Variants in FES observed in about 807,000 individuals in gnomAD.
FES encodes FES proto-oncogene, tyrosine kinase, also known as tyrosine-protein kinase Fes/Fps.
A neutral mutation model predicts 109.6 loss-of-function variants in FES; 83 were observed. The ratio of observed to expected loss-of-function variants is 0.76; its 90% CI spans 0.63 to 0.91. The LOEUF (loss-of-function observed/expected upper bound fraction) is 0.91. Among genes scored for constraint, FES ranks in the 40% least tolerant of loss-of-function variants. FES has a pLI of 0.00. For missense variants in FES, 943 were observed against 1,070.9 expected, an observed-to-expected ratio of 0.88 and a Z score of 1.67; for synonymous variants, 458 against 442.1, an observed-to-expected ratio of 1.04 and a Z score of -0.45.
chr15:90,891,638 A>G lies in FES; in HGVS notation c.1615A>G (p.Lys539Glu). Residue 539 changes from lysine to glutamate, a missense_variant, in exon 12 of 19, where the codon AAG becomes GAG. Physicochemically the swap from Lys to Glu is moderately conservative, Grantham distance 56. Coordinates refer to ENST00000328850, the MANE Select transcript of FES (RefSeq NM_002005.4). ...ACTGAGCACCCAGCAGCCCCTCACC[A>G]AGAAGAGTGGTGTTGTCCTGCACAG... is the stretch of plus-strand genomic sequence containing the variant. The part of the protein sequence containing the change: ...HLLSTQQPLT[K>E]KSGVVLHRAV... 1 of 1,613,926 alleles carries G rather than the reference A, an allele frequency of 6.2e-7. No individual in the cohort carries two copies. The highest frequency in any genetic ancestry group is 1.1e-5 in the South Asian group (1 of 91,084).
intron 5 of FES, among the ~76,000 whole-genome samples, chr15:90,888,201 G>T (rs2032845864): frequency 6.6e-6 from 1 of 152,224 alleles, no homozygotes; most frequent in South Asian, 2.1e-4. Flanking sequence ...CGCCTCCCAG[G>T]TTCAAGTGAT....
intron 3 of FES, 35 bp from the exon 4 acceptor site, chr15:90,886,926 C>A: frequency 6.3e-7 from 1 of 1,598,160 alleles, no homozygotes; most frequent in South Asian, 1.1e-5. Flanking sequence ...AACTGGGGAC[C>A]TGCTGCCCCA....
chr15:90,895,569 C>T lies in FES; in HGVS notation c.*11C>T. 6.5e-7 allele frequency: 1 copy of T among 1,548,162 alleles called. No homozygotes were observed. Among genetic ancestry groups the T allele is most frequent in the Non-Finnish European group, 8.7e-7 (1 of 1,145,152 alleles). Reference sequence around the variant, plus strand: ...AAGCGGCATCGGTGAGGCTGGGACCCCCTTCTCAAGCTGGTGGCCTCTGCA... The same window carrying T: ...AAGCGGCATCGGTGAGGCTGGGACCTCCTTCTCAAGCTGGTGGCCTCTGCA... On this transcript the variant is annotated 3_prime_UTR_variant, in exon 19 of 19. Transcript: ENST00000328850.
intron 14 of FES, 55 bp downstream of exon 14, chr15:90,892,880 C>A: frequency 6.5e-7 from 1 of 1,533,278 alleles, no homozygotes; most frequent in Non-Finnish European, 9.0e-7. Context: ...GGTTACACTG[C>A]ATGGCACAGT....
chr15:90,893,633 C>G (rs1596115757), intron 16 of FES, 21 bp from the exon 17 acceptor site: 1 of 1,556,424 alleles, frequency 6.4e-7, no homozygotes. Context: ...GCCAAATGAG[C>G]CCCTGCCCTG....
chr15:90,888,254 C>A (rs1050111864), intron 5 of FES, among the ~76,000 whole-genome samples: 2 of 152,146 alleles, frequency 1.3e-5, no homozygotes, highest in Non-Finnish European at 2.9e-5. Flanking sequence ...TACGGGCATG[C>A]GCCACCACAC....
Position 90,887,092 on chromosome 15 carries a change from C to T in FES, c.484+35C>T, listed in dbSNP as rs375374531. On this transcript the variant is annotated intron_variant, in intron 4 of 18. Coordinates refer to ENST00000328850, the MANE Select transcript of FES (RefSeq NM_002005.4). ...TTCCCTTGCTGGCAGGGAGGGAATC[C>T]GAAGCCAGTGCTGACCTGTCCTTGG... 32 of 1,613,412 alleles carry T rather than the reference C, an allele frequency of 2.0e-5. No individual in the cohort carries two copies. In the African/African-American group the frequency reaches 2.0e-4, roughly 10 times the overall value.
Position 90,889,234 on chromosome 15 carries a change from G to T in FES, c.669-72G>T. Reference sequence around the variant, plus strand: ...CCCCAGCCCTGACTCCAAACCCAGGGTCCTAGGCCTGAACTGCCCAGCCTT... The same window carrying T: ...CCCCAGCCCTGACTCCAAACCCAGGTTCCTAGGCCTGAACTGCCCAGCCTT... On this transcript the variant is annotated intron_variant, in intron 5 of 18. Transcript: ENST00000328850. The surrounding 1 kb of genome is among the most constrained non-coding windows in gnomAD (Gnocchi z 6.1). 6.3e-7 allele frequency: 1 copy of T among 1,585,568 alleles called. No homozygotes were observed. Among genetic ancestry groups the T allele is most frequent in the Non-Finnish European group, 8.6e-7 (1 of 1,166,100 alleles).
At chr15:90,888,016 G>T (rs546476994) in intron 5 of FES, among the ~76,000 whole-genome samples, 106 of 152,322 alleles carry the variant, frequency 7.0e-4, no homozygotes, top group African/African-American at 2.4e-3. Flanking sequence ...AGGGCTACTG[G>T]GTGATAGAGG....
chr15:90,888,840 C>T (rs141694015), intron 5 of FES, among the ~76,000 whole-genome samples: 8 of 151,794 alleles, frequency 5.3e-5, no homozygotes, highest in African/African-American at 1.7e-4. Flanking sequence ...TGCAGTGGCG[C>T]GATCTTGGCT....
Position 90,885,105 on chromosome 15 carries a change from G to A in FES, c.60G>A (p.Gln20=). 1 of 1,613,866 alleles carries A rather than the reference G, an allele frequency of 6.2e-7. No homozygotes were observed. The highest frequency in any genetic ancestry group is 8.5e-7 in the Non-Finnish European group (1 of 1,180,028). The change falls in exon 2 of 19, where the codon CAG becomes CAA. Residue 20 remains glutamine (Q), a synonymous_variant. Coordinates refer to ENST00000328850, the MANE Select transcript of FES (RefSeq NM_002005.4). ...GCCACGGGGTCCTGCAGCAAATGCA[G>A]GAGGCCGAGCTTCGTCTACTGGAGG... ...PQGHGVLQQM[Q]EAELRLLEGM...
At chr15:90,894,316 G>A (rs2033513226) in intron 18 of FES, among the ~76,000 whole-genome samples, 1 of 152,126 alleles carries the variant, frequency 6.6e-6, no homozygotes, top group Non-Finnish European at 1.5e-5. Context: ...TGGGCACGGT[G>A]GCTCACACCT....
In FES at chr15:90,890,083, T is replaced by G; in HGVS notation, c.1050-9T>G. 3.1e-6 allele frequency: 3 copies of G among 968,750 alleles called. No individual in the cohort carries two copies. The highest frequency in any genetic ancestry group is 4.5e-6 in the Non-Finnish European group (3 of 673,968). 60.0% of individuals were successfully genotyped at this position (968,750 alleles called of 1,614,324 possible). A position where few individuals can be genotyped will look rare whatever the true frequency, so the allele number is the denominator to read the frequency against. On this transcript the variant is annotated splice_polypyrimidine_tract_variant and intron_variant, in intron 8 of 18. Transcript: ENST00000328850. ...TCTCATCCACCCTCCCACCCGCCCC[T>G]GCCTGCAGGGTGCAGCTGCTGGGCA...
chr15:90,885,395 C>T lies in FES; in HGVS notation c.214-17C>T. Reference sequence around the variant, plus strand: ...CATTGTGCCCCCCTCCCTGCCTCCCCCATCTGTGCTGTATAGTCCTGGGCT... The same window carrying T: ...CATTGTGCCCCCCTCCCTGCCTCCCTCATCTGTGCTGTATAGTCCTGGGCT... On this transcript the variant is annotated splice_polypyrimidine_tract_variant and intron_variant, in intron 2 of 18. Coordinates refer to ENST00000328850, the MANE Select transcript of FES (RefSeq NM_002005.4). 1 of 1,603,080 alleles carries T rather than the reference C, an allele frequency of 6.2e-7. No homozygotes were observed. Among genetic ancestry groups the T allele is most frequent in the Non-Finnish European group, 8.5e-7 (1 of 1,174,002 alleles).
chr15:90,888,319 T>G (rs2032858943), intron 5 of FES, among the ~76,000 whole-genome samples: 1 of 152,226 alleles, frequency 6.6e-6, no homozygotes, highest in Non-Finnish European at 1.5e-5. Flanking sequence ...TTGCCCAGGC[T>G]AGTCTCTAAT....
At chr15:90,888,375 G>A (rs999613168) in intron 5 of FES, among the ~76,000 whole-genome samples, 5 of 152,202 alleles carry the variant, frequency 3.3e-5, no homozygotes, top group African/African-American at 4.8e-5. Context: ...CCAAAGTGCC[G>A]GGATTACAGG....
Position 90,886,918 on chromosome 15 carries a change from C to T in FES, c.388-43C>T, listed in dbSNP as rs774891906. ...CACCCCAGGCAAGAATCTTCCACAA[C>T]TGGGGACCTGCTGCCCCACACTGGC... On this transcript the variant is annotated intron_variant, in intron 3 of 18. Coordinates refer to ENST00000328850, the MANE Select transcript of FES (RefSeq NM_002005.4). The T allele has an allele frequency of 5.7e-6, 9 of 1,583,804 alleles. No homozygotes were observed. In the African/African-American group the frequency reaches 1.2e-4, roughly 21 times the overall value.
intron 14 of FES, 56 bp downstream of exon 14, chr15:90,892,881 A>T (rs1364895236): frequency 2.0e-6 from 3 of 1,534,398 alleles, no homozygotes; most frequent in African/African-American, 2.7e-5. Flanking sequence ...GTTACACTGC[A>T]TGGCACAGTG....
Position 90,895,561 on chromosome 15 carries a change from C to G in FES, c.*3C>G. ...GCATCCGAAAGCGGCATCGGTGAGG[C>G]TGGGACCCCCTTCTCAAGCTGGTGG... On this transcript the variant is annotated 3_prime_UTR_variant, in exon 19 of 19. Coordinates refer to ENST00000328850, the MANE Select transcript of FES (RefSeq NM_002005.4). The G allele has an allele frequency of 6.4e-7, 1 of 1,559,960 alleles. No homozygotes were observed. The highest frequency in any genetic ancestry group is 1.2e-5 in the South Asian group (1 of 83,718).
Sources: gnomAD v4.1 joint callset for allele counts (sites outside exome capture counted in the v4.1 genomes callset) on GRCh38, gnomAD v4.1.1 for gene constraint, Gnocchi (gnomAD v3.1) non-coding constraint, MANE v1.5 for transcripts, NCBI Gene and HGNC (gene_info 2026-07-23, HGNC 2026-07-21) for gene names.